ENPP3: variants seen among roughly 807,000 people sequenced by gnomAD.
The protein encoded by ENPP3 is ectonucleotide pyrophosphatase/phosphodiesterase 3, also known as ectonucleotide pyrophosphatase/phosphodiesterase family member 3.
In ENPP3, 104 loss-of-function variants were observed where a neutral mutation model predicts 117.8. The ratio of observed to expected loss-of-function variants is 0.88; its 90% confidence interval spans 0.75 to 1.04. The LOEUF (loss-of-function observed/expected upper bound fraction) is 1.04, where lower values mean the gene tolerates loss of function less well. Ranked by LOEUF, ENPP3 falls within the 50% of genes least tolerant of loss-of-function variation. The pLI is 0.00. For synonymous variants in ENPP3, 380 were observed against 349.9 expected (o/e 1.09, Z -0.96); for missense variants, 1,026 against 1,051.9 (o/e 0.98, Z 0.34).
At chr6:131,719,358 G>A (rs1420807075) in intron 16 of ENPP3, among the ~76,000 whole-genome samples, 1 of 140,242 alleles carries the variant, frequency 7.1e-6, no homozygotes, top group African/African-American at 2.6e-5. Flanking sequence ...TTGCAACCTG[G>A]TTATCTCATC....
intron 21 of ENPP3, among the ~76,000 whole-genome samples, chr6:131,734,882 A>G (rs1305710446): frequency 1.3e-5 from 2 of 150,512 alleles, no homozygotes; most frequent in Non-Finnish European, 3.0e-5. Context: ...CCTGGGTGAC[A>G]GAGTGAGACT....
chr6:131,677,147 G>T (rs1027379911), intron 10 of ENPP3, among the ~76,000 whole-genome samples: 2 of 152,110 alleles, frequency 1.3e-5, no homozygotes, highest in Non-Finnish European at 2.9e-5. Flanking sequence ...GAGGTGGAAT[G>T]ATCACTTGAG....
chr6:131,738,826 A>G (rs1447493710), intron 23 of ENPP3, among the ~76,000 whole-genome samples: 1 of 152,214 alleles, frequency 6.6e-6, no homozygotes, highest in African/African-American at 2.4e-5. Flanking sequence ...CTAAGCCTAG[A>G]TTATGTAAAG....
chr6:131,691,378 C>A (rs1353379216), intron 14 of ENPP3, among the ~76,000 whole-genome samples: 1 of 152,032 alleles, frequency 6.6e-6, no homozygotes, highest in Non-Finnish European at 1.5e-5. Flanking sequence ...CACTTGAGGT[C>A]AGGAGTTCGA....
chr6:131,650,509 C>T (rs997480003), intron 3 of ENPP3, among the ~76,000 whole-genome samples: 2 of 152,144 alleles, frequency 1.3e-5, no homozygotes, highest in African/African-American at 4.8e-5. Flanking sequence ...AGGCATGAAC[C>T]ACTATGCCAG....
chr6:131,696,016 A>T (rs1289748571), intron 15 of ENPP3, among the ~76,000 whole-genome samples: 1 of 152,142 alleles, frequency 6.6e-6, no homozygotes, highest in Non-Finnish European at 1.5e-5. Flanking sequence ...AAAGTACATC[A>T]TTTTTAGTAA....
chr6:131,684,650 C>CTA (rs1464566197), intron 12 of ENPP3, among the ~76,000 whole-genome samples: 4 of 150,446 alleles, frequency 2.7e-5, no homozygotes, highest in Non-Finnish European at 5.9e-5. Context: ...CACCACTGCA[C>CTA]TATAGCCTGG....
At chr6:131,743,293 T>C (rs1227955640) in intron 24 of ENPP3, among the ~76,000 whole-genome samples, 2 of 96,984 alleles carry the variant, frequency 2.1e-5, no homozygotes, top group African/African-American at 9.7e-5. Context: ...AGAAATAGTA[T>C]AAAACAGAAC....
chr6:131,651,956 GCCACCTGCCT>G (rs917176391), intron 3 of ENPP3, among the ~76,000 whole-genome samples: 6 of 152,130 alleles, frequency 3.9e-5, no homozygotes, highest in Non-Finnish European at 7.4e-5. Flanking sequence ...GCAGTGCCAA[GCCACCTGCCT>G]CCAGCCTCTT....
intron 24 of ENPP3, among the ~76,000 whole-genome samples, chr6:131,743,868 A>G (rs1780579647): frequency 6.9e-6 from 1 of 145,674 alleles, no homozygotes; most frequent in Non-Finnish European, 1.5e-5. Context: ...GTCAATAGAG[A>G]GTGAAATTGA....
chr6:131,668,888 T>A (rs1778680156), intron 6 of ENPP3, among the ~76,000 whole-genome samples: 1 of 152,242 alleles, frequency 6.6e-6, no homozygotes, highest in East Asian at 1.9e-4. Flanking sequence ...AAGACTGTGC[T>A]TTCTGTAGAC....
chr6:131,721,856 A>G (rs1446169773), intron 17 of ENPP3, among the ~76,000 whole-genome samples: 1 of 152,216 alleles, frequency 6.6e-6, no homozygotes, highest in Non-Finnish European at 1.5e-5. Flanking sequence ...ACCATTCATG[A>G]AAGTTCCTCT....
chr6:131,699,235 C>CAAAAAAAAAAAAAAAAAAAA (rs4053087), intron 15 of ENPP3, among the ~76,000 whole-genome samples: 13 of 107,918 alleles, frequency 1.2e-4, no homozygotes, highest in East Asian at 5.1e-4. Flanking sequence ...AAGACTGTCT[C>CAAAAAAAAAAAAAAAAAAAA]AAAAAAAAAA....
Position 131,652,464 on chromosome 6 carries a change from A to G in ENPP3, c.278-78A>G, listed in dbSNP as rs1167939257. On this transcript the variant is annotated intron_variant, in intron 3 of 24. Coordinates refer to ENST00000357639, the MANE Select transcript of ENPP3 (RefSeq NM_005021.5). ...AAGAATTTGATTGTGTTATTATAAT[A>G]TAGGAATAAATAAATGAAATTTGTA... The G allele has an allele frequency of 4.4e-6, 6 of 1,357,436 alleles. 1 individual carries two copies. The East Asian group carries it at 7.2e-5, about 16-fold the overall frequency. 84.1% of individuals were successfully genotyped at this position (1,357,436 alleles called of 1,614,324 possible). A position where few individuals can be genotyped will look rare whatever the true frequency, so the allele number is the denominator to read the frequency against.
chr6:131,647,623 C>G (rs1036844516), intron 2 of ENPP3, among the ~76,000 whole-genome samples: 1 of 152,022 alleles, frequency 6.6e-6, no homozygotes, highest in South Asian at 2.1e-4. Context: ...TTATTTATAC[C>G]TTTCTCCATA....
chr6:131,671,579 T>A (rs1778743075), intron 7 of ENPP3, among the ~76,000 whole-genome samples: 2 of 152,192 alleles, frequency 1.3e-5, no homozygotes, highest in Admixed American at 1.3e-4. Flanking sequence ...ACAGACCCTT[T>A]GATGTGAGAA....
chr6:131,682,976 A>G (rs1422546096), intron 11 of ENPP3, 78 bp from the exon 12 acceptor site: 1 of 904,962 alleles, frequency 1.1e-6, no homozygotes, highest in Non-Finnish European at 1.8e-6. Flanking sequence ...GATGTGTTTA[A>G]TTTTTACTTC....
chr6:131,733,917 A>G (rs1329548753), intron 21 of ENPP3, among the ~76,000 whole-genome samples, 194 bp downstream of exon 21: 1 of 152,166 alleles, frequency 6.6e-6, no homozygotes, highest in Non-Finnish European at 1.5e-5. Context: ...TTGCAGTGGG[A>G]CCCACACAGC....
chr6:131,684,597 T>A (rs1346631801), intron 12 of ENPP3, among the ~76,000 whole-genome samples: 1 of 151,658 alleles, frequency 6.6e-6, no homozygotes, highest in East Asian at 1.9e-4. Flanking sequence ...GAGAATCACT[T>A]GAACCCGGGA....
Sources: gnomAD v4.1 joint callset for allele counts (sites outside exome capture counted in the v4.1 genomes callset) on GRCh38, gnomAD v4.1.1 for gene constraint, MANE v1.5 for transcripts, NCBI Gene and HGNC (gene_info 2026-07-23, HGNC 2026-07-21) for gene names.